The following PTPRM variants were observed in gnomAD, a reference collection of about 807,000 sequenced individuals.
PTPRM encodes the protein protein tyrosine phosphatase receptor type M, also known as receptor-type tyrosine-protein phosphatase mu.
In PTPRM, 47 loss-of-function variants were observed where a neutral mutation model predicts 186.7. The observed-to-expected ratio is 0.25, with a 90% CI of 0.20 to 0.32. The LOEUF (loss-of-function observed/expected upper bound fraction) is 0.32, where lower values mean the gene tolerates loss of function less well. Ranked by LOEUF, PTPRM falls within the 10% of genes least tolerant of loss-of-function variation. PTPRM has a pLI of 1.00. For missense variants in PTPRM, 1,494 were observed against 1,865.0 expected, an observed-to-expected ratio of 0.80 and a Z score of 3.66; for synonymous variants, 668 against 674.9, an observed-to-expected ratio of 0.99 and a Z score of 0.16.
rs1270320832 is a variant in PTPRM, at chr18:7,568,955, G to A, written c.73+1064G>A. Among the ~76,000 whole-genome samples, 1 of 152,140 alleles carries A rather than the reference G, an allele frequency of 6.6e-6. No homozygotes were observed. Among genetic ancestry groups the A allele is most frequent in the African/African-American group, 2.4e-5 (1 of 41,446 alleles). The stretch of plus-strand genomic sequence containing the variant: ...TGTTTATTAGATTAGTTTCATTAAG[G>A]TCCACATGCAGTGGGGGCGGTGGGC... On this transcript the variant is annotated intron_variant, in intron 1 of 32. Transcript: ENST00000580170. The surrounding 1 kb of genome is among the most constrained non-coding windows in gnomAD (Gnocchi z 5.1).
At chr18:7,618,961 G>A (rs1361282460) in intron 1 of PTPRM, among the ~76,000 whole-genome samples, 1 of 152,112 alleles carries the variant, frequency 6.6e-6, no homozygotes, top group East Asian at 1.9e-4. Context: ...TTTGGTTGTT[G>A]TCAAATTCTT....
At chr18:7,687,311 G>A (rs1432652341) in intron 1 of PTPRM, among the ~76,000 whole-genome samples, 2 of 152,040 alleles carry the variant, frequency 1.3e-5, no homozygotes, top group Non-Finnish European at 2.9e-5. Context: ...ATTGTGGTCT[G>A]GCAAGGAAAT....
At chr18:8,149,694 T>C (rs1179207766) in intron 14 of PTPRM, among the ~76,000 whole-genome samples, 2 of 152,172 alleles carry the variant, frequency 1.3e-5, no homozygotes, top group South Asian at 2.1e-4. Context: ...GTCATTATGA[T>C]GATAGCTGGT....
intron 4 of PTPRM, among the ~76,000 whole-genome samples, chr18:7,923,484 G>A (rs571065658): frequency 1.3e-3 from 195 of 152,254 alleles, no homozygotes; most frequent in Middle Eastern, 3.4e-3. Flanking sequence ...CAGTGGTTGG[G>A]GACCTGCAGA....
At chr18:8,165,180 A>AAAG (rs1555780219) in intron 14 of PTPRM, among the ~76,000 whole-genome samples, 3 of 151,820 alleles carry the variant, frequency 2.0e-5, no homozygotes, top group African/African-American at 4.8e-5. Context: ...AAAAAAAAAA[A>AAAG]AAAGAAAGAA....
At chr18:8,349,225 G>A (rs563943846) in intron 23 of PTPRM, among the ~76,000 whole-genome samples, 7 of 152,284 alleles carry the variant, frequency 4.6e-5, no homozygotes, top group African/African-American at 1.7e-4. Flanking sequence ...AGAGAGGCAA[G>A]GTTGCCCTTT....
chr18:7,602,998 G>A lies in PTPRM; in HGVS notation c.73+35107G>A, dbSNP rs984737938. Among the ~76,000 whole-genome samples the A allele has an allele frequency of 2.0e-5, 3 of 151,004 alleles. No individual in the cohort carries two copies. The East Asian group carries it at 5.8e-4, about 29-fold the overall frequency. On this transcript the variant is annotated intron_variant, in intron 1 of 32. Coordinates refer to ENST00000580170, the MANE Select transcript of PTPRM (RefSeq NM_001105244.2). ...GCTGGAGTGCAGTGTTGTGATCTCG[G>A]CTCGCTACAAGCTCCACCTCCTGGG...
intron 2 of PTPRM, chr18:7,814,057 T>G (rs992780097): frequency 1.3e-5 from 2 of 152,270 alleles, no homozygotes; most frequent in Non-Finnish European, 2.9e-5. Context: ...TGGTCTTCAT[T>G]TTCTTCAAAT....
intron 3 of PTPRM, among the ~76,000 whole-genome samples, chr18:7,896,487 G>A (rs78027117): frequency 0.015 from 2,164 of 148,502 alleles, 22 homozygotes; most frequent in African/African-American, 0.025. Flanking sequence ...AGTGATCTTT[G>A]ATATAAATGG....
chr18:8,250,021 A>G (rs1192128546), intron 17 of PTPRM, among the ~76,000 whole-genome samples: 1 of 152,182 alleles, frequency 6.6e-6, no homozygotes, highest in East Asian at 1.9e-4. Context: ...AATTTAAGAT[A>G]TATATATCTA....
At chr18:8,049,772 C>T (rs1158436868) in intron 7 of PTPRM, among the ~76,000 whole-genome samples, 3 of 150,300 alleles carry the variant, frequency 2.0e-5, no homozygotes, top group Non-Finnish European at 4.4e-5. Flanking sequence ...AGTGCAGTGG[C>T]GCAGTCTCAG....
At chr18:8,143,506 GT>G in intron 13 of PTPRM, 140 bp from the exon 14 acceptor site, 1 of 848,246 alleles carries the variant, frequency 1.2e-6, no homozygotes, top group South Asian at 1.8e-5. Flanking sequence ...TATGAAAGCT[GT>G]TTAAAAAATC....
intron 28 of PTPRM, 115 bp from the exon 29 acceptor site, chr18:8,380,181 C>G (rs2095723588): frequency 2.7e-6 from 3 of 1,105,664 alleles, no homozygotes; most frequent in Non-Finnish European, 2.6e-6. Context: ...AATTCAACAG[C>G]TGTTAAACAT....
chr18:8,273,342 T>C (rs1177287964), intron 19 of PTPRM, among the ~76,000 whole-genome samples: 2 of 152,252 alleles, frequency 1.3e-5, no homozygotes, highest in Admixed American at 6.5e-5. Flanking sequence ...ACTTTGATTC[T>C]ATAGATCTCT....
intron 1 of PTPRM, among the ~76,000 whole-genome samples, chr18:7,630,113 A>G (rs1235275481): frequency 6.6e-6 from 1 of 152,118 alleles, no homozygotes; most frequent in African/African-American, 2.4e-5. Context: ...CCACTCTGAC[A>G]TGTCTAATGG....
intron 22 of PTPRM, among the ~76,000 whole-genome samples, chr18:8,326,750 A>G (rs946474974): frequency 2.0e-5 from 3 of 152,220 alleles, no homozygotes; most frequent in Non-Finnish European, 4.4e-5. Context: ...AGCCATATGC[A>G]GAAGATTGAA....
intron 14 of PTPRM, among the ~76,000 whole-genome samples, chr18:8,175,281 T>C (rs1422554496): frequency 6.6e-6 from 1 of 152,212 alleles, no homozygotes; most frequent in Non-Finnish European, 1.5e-5. Flanking sequence ...ATTATTCAAC[T>C]TTTTGGTGGC....
intron 1 of PTPRM, among the ~76,000 whole-genome samples, chr18:7,690,374 G>T (rs10163760): frequency 0.062 from 9,482 of 152,170 alleles, 985 homozygotes; most frequent in African/African-American, 0.21. Flanking sequence ...AAGGTACATA[G>T]TTAACCATTG....
At chr18:8,326,923 T>A (rs1298433066) in intron 22 of PTPRM, among the ~76,000 whole-genome samples, 1 of 152,210 alleles carries the variant, frequency 6.6e-6, no homozygotes, top group Non-Finnish European at 1.5e-5. Flanking sequence ...ACCCAGTAAG[T>A]TGCCCATTTA....
Sources: allele counts gnomAD v4.1 joint callset (sites outside exome capture counted in the v4.1 genomes callset), GRCh38; gene constraint gnomAD v4.1.1; non-coding constraint Gnocchi (gnomAD v3.1); transcripts MANE v1.5; gene names NCBI Gene and HGNC (gene_info 2026-07-23, HGNC 2026-07-21).